Variants in CNIH3 observed in about 807,000 individuals in gnomAD.
CNIH3 encodes the protein cornichon family AMPA receptor auxiliary protein 3.
In CNIH3, 14 loss-of-function variants were observed where a neutral mutation model predicts 24.1. The ratio of observed to expected loss-of-function variants is 0.58; its 90% CI spans 0.38 to 0.91. The LOEUF (loss-of-function observed/expected upper bound fraction) is 0.91. Among genes scored for constraint, CNIH3 ranks in the 40% least tolerant of loss-of-function variants. The probability of loss-of-function intolerance (pLI) is 0.00; values close to 1 mark genes in which losing one functional copy is unlikely to be tolerated. For synonymous variants in CNIH3, 68 were observed against 73.8 expected, an observed-to-expected ratio of 0.92 and a Z score of 0.40; for missense variants, 178 against 196.8, an observed-to-expected ratio of 0.90 and a Z score of 0.57.
chr1:224,586,763 A>C (rs1372569733), intron 5 of CNIH3, among the ~76,000 whole-genome samples: 1 of 152,200 alleles, frequency 6.6e-6, no homozygotes, highest in African/African-American at 2.4e-5. Context: ...GGTAGGCCCT[A>C]AATCCAATGA....
chr1:224,444,885 C>T (rs1026758628), intron 1 of CNIH3, among the ~76,000 whole-genome samples: 2 of 151,784 alleles, frequency 1.3e-5, no homozygotes, highest in African/African-American at 2.4e-5. Flanking sequence ...CCTCGTGATC[C>T]GCCCACCTCG....
At chr1:224,483,208 G>A (rs939200455) in intron 1 of CNIH3, among the ~76,000 whole-genome samples, 1 of 152,128 alleles carries the variant, frequency 6.6e-6, no homozygotes, top group Non-Finnish European at 1.5e-5. Context: ...AAATTAGTTG[G>A]GCATAATGGT....
At chr1:224,460,271 T>A (rs1675855385) in intron 1 of CNIH3, among the ~76,000 whole-genome samples, 1 of 152,132 alleles carries the variant, frequency 6.6e-6, no homozygotes, top group South Asian at 2.1e-4. Flanking sequence ...TGCTTATATT[T>A]AAAGTGGATA....
chr1:224,482,087 T>C (rs1175391997), intron 1 of CNIH3, among the ~76,000 whole-genome samples: 1 of 152,158 alleles, frequency 6.6e-6, no homozygotes, highest in Non-Finnish European at 1.5e-5. Flanking sequence ...GGCTGTTCAG[T>C]CAGCTTGTGT....
intron 3 of CNIH3, among the ~76,000 whole-genome samples, chr1:224,714,682 G>A (rs577209208): frequency 6.6e-6 from 1 of 152,310 alleles, no homozygotes; most frequent in South Asian, 2.1e-4. Context: ...GGAATGAGCT[G>A]CCCATGATTG....
intron 1 of CNIH3, among the ~76,000 whole-genome samples, chr1:224,673,328 TGGATGAATCCCGCACAGTTG>T (rs1685962473): frequency 6.6e-6 from 1 of 152,192 alleles, no homozygotes; most frequent in South Asian, 2.1e-4. Context: ...GAGCTGCAGT[TGGATGAATCCCGCACAGTTG>T]GGATCCTGGC....
intron 1 of CNIH3, among the ~76,000 whole-genome samples, chr1:224,492,003 T>C (rs1677254187): frequency 1.3e-5 from 2 of 152,218 alleles, no homozygotes; most frequent in Admixed American, 1.3e-4. Context: ...GATCCTCTTA[T>C]CTTGGCCTCT....
intron 1 of CNIH3, among the ~76,000 whole-genome samples, chr1:224,510,040 C>G (rs961590644): frequency 6.6e-6 from 1 of 152,204 alleles, no homozygotes; most frequent in East Asian, 1.9e-4. Context: ...GTCTGCTTCC[C>G]GTGGGCTCCT....
chr1:224,637,233 G>A (rs776585515), intron 1 of CNIH3, among the ~76,000 whole-genome samples: 5 of 152,064 alleles, frequency 3.3e-5, no homozygotes, highest in Admixed American at 6.6e-5. Flanking sequence ...GATTACAGGC[G>A]TGAACCACCA....
chr1:224,608,220 G>C (rs912054923), intron 3 of CNIH3, among the ~76,000 whole-genome samples: 2 of 152,184 alleles, frequency 1.3e-5, no homozygotes, highest in African/African-American at 4.8e-5. Flanking sequence ...AGCCAGTCAA[G>C]GGCACAGTTT....
intron 2 of CNIH3, among the ~76,000 whole-genome samples, chr1:224,534,317 A>G (rs1011567480): frequency 6.6e-6 from 1 of 152,236 alleles, no homozygotes; most frequent in African/African-American, 2.4e-5. Flanking sequence ...GTTTGAGACT[A>G]CTGAGAGTCT....
chr1:224,553,523 C>T (rs966966872), intron 3 of CNIH3, among the ~76,000 whole-genome samples: 12 of 152,162 alleles, frequency 7.9e-5, no homozygotes, highest in East Asian at 1.9e-4. Context: ...TTCTGGGACC[C>T]GGCTGGTTCA....
At chr1:224,436,653 C>T (rs1674680492) in intron 1 of CNIH3, among the ~76,000 whole-genome samples, 1 of 152,174 alleles carries the variant, frequency 6.6e-6, no homozygotes, top group Non-Finnish European at 1.5e-5. Flanking sequence ...TGTACTAAAA[C>T]ACAGCTTGAG....
At chr1:224,640,093 C>T (rs1684283861) in intron 1 of CNIH3, among the ~76,000 whole-genome samples, 1 of 152,232 alleles carries the variant, frequency 6.6e-6, no homozygotes, top group Non-Finnish European at 1.5e-5. Context: ...AATAAATGCC[C>T]TTCTTTCTCC....
chr1:224,460,830 C>T (rs1054401461), intron 1 of CNIH3, among the ~76,000 whole-genome samples: 5 of 150,248 alleles, frequency 3.3e-5, no homozygotes, highest in East Asian at 2.0e-4. Context: ...AGTGCAATTG[C>T]GTGACTATGG....
intron 4 of CNIH3, among the ~76,000 whole-genome samples, chr1:224,570,014 C>G (rs1572497463): frequency 1.3e-5 from 2 of 152,104 alleles, no homozygotes; most frequent in Non-Finnish European, 2.9e-5. Context: ...GAACTCCCAA[C>G]CTCAGGTGAT....
At chr1:224,643,396 T>C (rs561804832) in intron 1 of CNIH3, among the ~76,000 whole-genome samples, 1 of 152,300 alleles carries the variant, frequency 6.6e-6, no homozygotes, top group African/African-American at 2.4e-5. Context: ...TTAAGGAAAC[T>C]AGGGAAAATG....
intron 2 of CNIH3, among the ~76,000 whole-genome samples, chr1:224,544,670 C>T (rs989614518): frequency 7.2e-5 from 11 of 152,260 alleles, no homozygotes; most frequent in African/African-American, 1.7e-4. Context: ...AGCCCATGAC[C>T]GCTGTGCTGC....
intron 1 of CNIH3, among the ~76,000 whole-genome samples, chr1:224,646,493 C>T (rs964556320): frequency 1.3e-5 from 2 of 152,186 alleles, no homozygotes; most frequent in Non-Finnish European, 2.9e-5. Flanking sequence ...GCAGCCTTGA[C>T]CTCCTGGGCT....
Sources: allele counts gnomAD v4.1 joint callset (sites outside exome capture counted in the v4.1 genomes callset), GRCh38; gene constraint gnomAD v4.1.1; transcripts MANE v1.5; gene names NCBI Gene and HGNC (gene_info 2026-07-23, HGNC 2026-07-21).